Variants in TUSC3 observed in about 807,000 individuals in gnomAD.
TUSC3 encodes the protein dolichyl-diphosphooligosaccharide--protein glycosyltransferase subunit TUSC3.
A neutral mutation model predicts 44.8 loss-of-function variants in TUSC3; 45 were observed. That is an observed-to-expected ratio of 1.00 (90% CI 0.79 to 1.29). The LOEUF (loss-of-function observed/expected upper bound fraction) is 1.29. Ranked by LOEUF, TUSC3 falls within the 50% of genes most tolerant of loss-of-function variation. TUSC3 has a pLI of 0.00. For synonymous variants in TUSC3, 212 were observed against 152.9 expected (o/e 1.39, Z -2.85); for missense variants, 519 against 437.9 (o/e 1.19, Z -1.65).
At chr8:15,843,890 G>C in the TUSC3 span, among the ~76,000 whole-genome samples, 2 of 152,014 alleles carry the variant, frequency 1.3e-5, no homozygotes, top group Non-Finnish European at 2.9e-5. Context: ...TAATGATGAA[G>C]TCTCAGGACA....
intron 9 of TUSC3, among the ~76,000 whole-genome samples, chr8:15,756,127 G>T (rs778131393): frequency 1.3e-5 from 2 of 152,098 alleles, no homozygotes; most frequent in Admixed American, 6.6e-5. Flanking sequence ...TCAAGGTTGG[G>T]GTTTAATTCT....
intron 2 of TUSC3, among the ~76,000 whole-genome samples, chr8:15,483,681 A>C (rs1478858929): frequency 1.8e-5 from 1 of 56,018 alleles, no homozygotes; most frequent in East Asian, 8.4e-4. Context: ...TTTGAGACTA[A>C]GTTTCGCTCT....
intron 5 of TUSC3, among the ~76,000 whole-genome samples, chr8:15,665,297 T>C (rs974212419): frequency 5.3e-5 from 8 of 151,308 alleles, no homozygotes; most frequent in African/African-American, 1.9e-4. Flanking sequence ...ATGAGAGAAA[T>C]GTCTGGTACA....
chr8:15,700,424 G>A (rs1402950569), intron 6 of TUSC3, among the ~76,000 whole-genome samples: 1 of 152,088 alleles, frequency 6.6e-6, no homozygotes, highest in Non-Finnish European at 1.5e-5. Context: ...CATAATATAA[G>A]CAAAGTGCTG....
Position 15,438,029 on chromosome 8 carries a change from T to C in TUSC3, n.91+20724T>C, listed in dbSNP as rs76390456. On this transcript the variant is annotated intron_variant and non_coding_transcript_variant, in intron 1 of 5. Coordinates refer to the TUSC3 transcript ENST00000503191. ...TCTTACCAGCAGGTTGTTAAATATT[T>C]CTGAATATCAGTTTCCTCACCTGTG... 3.6e-4 allele frequency among the ~76,000 whole-genome samples: 55 copies of C among 152,326 alleles called. 1 individual carries two copies. In the East Asian group the frequency reaches 0.01, roughly 28 times the overall value.
intron 2 of TUSC3, among the ~76,000 whole-genome samples, chr8:15,628,244 A>G (rs1805601866): frequency 6.6e-6 from 1 of 152,196 alleles, no homozygotes; most frequent in Admixed American, 6.5e-5. Flanking sequence ...ATATTTTATT[A>G]TCTAAGTATT....
At chr8:15,465,268 C>T (rs1800399766) in intron 1 of TUSC3, among the ~76,000 whole-genome samples, 1 of 152,120 alleles carries the variant, frequency 6.6e-6, no homozygotes, top group Admixed American at 6.6e-5. Flanking sequence ...CACAATAAGA[C>T]TACACTCTTA....
Position 15,428,113 on chromosome 8 carries a change from G to A in TUSC3, n.91+10808G>A, listed in dbSNP as rs758186342. Among the ~76,000 whole-genome samples the A allele has an allele frequency of 4.0e-3, 285 of 70,890 alleles. 1 individual carries two copies. Among genetic ancestry groups the A allele is most frequent in the Non-Finnish European group, 5.2e-3 (195 of 37,832 alleles). The allele number at this position is 70,890 out of a possible 152,430, so 46.5% of individuals were successfully genotyped here. A position where few individuals can be genotyped will look rare whatever the true frequency, so the allele number is the denominator to read the frequency against. ...TAGGTATATCCCCTAATGCTATCCC[G>A]CCCCCCTCCCCCCACCCCACAACAG... On this transcript the variant is annotated intron_variant and non_coding_transcript_variant, in intron 1 of 5. Coordinates refer to the TUSC3 transcript ENST00000503191.
chr8:15,493,662 A>C (rs1276206543), intron 2 of TUSC3, among the ~76,000 whole-genome samples: 1 of 152,122 alleles, frequency 6.6e-6, no homozygotes, highest in Non-Finnish European at 1.5e-5. Flanking sequence ...ATAAACATAA[A>C]ACATAGTTGC....
At chr8:15,546,671 G>A (rs1001246791) in intron 1 of TUSC3, among the ~76,000 whole-genome samples, 4 of 151,470 alleles carry the variant, frequency 2.6e-5, no homozygotes, top group African/African-American at 7.3e-5. Flanking sequence ...GAGTAGCTGG[G>A]ATTACAGGCA....
intron 1 of TUSC3, among the ~76,000 whole-genome samples, chr8:15,424,118 G>A (rs1249846813): frequency 6.6e-6 from 1 of 151,266 alleles, no homozygotes; most frequent in Non-Finnish European, 1.5e-5. Context: ...AGCCTTCCAA[G>A]TAGCTGGGAC....
At chr8:15,579,152 T>C (rs149196507) in intron 1 of TUSC3, among the ~76,000 whole-genome samples, 59,560 of 147,484 alleles carry the variant, frequency 0.4, 12,620 homozygotes, top group Non-Finnish European at 0.51. Context: ...TCTGTGGGAT[T>C]GGTGGTGATA....
At chr8:15,763,079 CTTTA>C (rs1188683731) in intron 10 of TUSC3, among the ~76,000 whole-genome samples, 1 of 151,802 alleles carries the variant, frequency 6.6e-6, no homozygotes, top group African/African-American at 2.4e-5. Context: ...TGTACTGTGA[CTTTA>C]TTTACATTTT....
intron 7 of TUSC3, among the ~76,000 whole-genome samples, chr8:15,735,905 T>C (rs1427174347): frequency 6.7e-6 from 1 of 150,172 alleles, no homozygotes; most frequent in Non-Finnish European, 1.5e-5. Context: ...TTTTTTTGTA[T>C]TTTTAGTAGA....
chr8:15,555,464 T>C (rs1382642019), intron 1 of TUSC3, among the ~76,000 whole-genome samples: 2 of 150,620 alleles, frequency 1.3e-5, no homozygotes, highest in Non-Finnish European at 1.5e-5. Flanking sequence ...GCCTAGCTAG[T>C]TTTTTTGTAT....
intron 2 of TUSC3, among the ~76,000 whole-genome samples, chr8:15,514,484 A>G (rs1801188102): frequency 6.6e-6 from 1 of 152,206 alleles, no homozygotes; most frequent in African/African-American, 2.4e-5. Context: ...AAAAACCAAA[A>G]ATAGAAGTTT....
At chr8:15,814,837 G>C in the TUSC3 span, among the ~76,000 whole-genome samples, 4 of 152,064 alleles carry the variant, frequency 2.6e-5, no homozygotes, top group Non-Finnish European at 5.9e-5. Context: ...CTGAAAACCA[G>C]GTGATCCAGG....
intron 2 of TUSC3, among the ~76,000 whole-genome samples, chr8:15,625,163 T>A (rs1019718917): frequency 6.6e-6 from 1 of 152,228 alleles, no homozygotes; most frequent in Non-Finnish European, 1.5e-5. Flanking sequence ...TTTTCAAATG[T>A]TGAACTGGTC....
intron 2 of TUSC3, among the ~76,000 whole-genome samples, chr8:15,506,858 G>A (rs955214847): frequency 2.3e-4 from 35 of 152,326 alleles, no homozygotes; most frequent in African/African-American, 7.9e-4. Flanking sequence ...CCGGAAGGAA[G>A]GAATGCATGC....
Sources: gnomAD v4.1 joint callset for allele counts (sites outside exome capture counted in the v4.1 genomes callset) on GRCh38, gnomAD v4.1.1 for gene constraint, MANE v1.5 for transcripts, NCBI Gene and HGNC (gene_info 2026-07-23, HGNC 2026-07-21) for gene names.